The following MICU2 variants were observed in gnomAD, a reference collection of about 807,000 sequenced individuals.
MICU2 encodes mitochondrial calcium uptake 2.
A neutral mutation model predicts 60.4 loss-of-function variants in MICU2; 64 were observed. That is an observed-to-expected ratio of 1.06 (90% CI 0.87 to 1.31). The LOEUF is 1.31. Ranked by LOEUF, MICU2 falls within the 50% of genes most tolerant of loss-of-function variation. The pLI is 0.00. For synonymous variants in MICU2, 201 were observed against 175.0 expected, an observed-to-expected ratio of 1.15 and a Z score of -1.17; for missense variants, 569 against 531.0, an observed-to-expected ratio of 1.07 and a Z score of -0.70.
intron 1 of MICU2, among the ~76,000 whole-genome samples, chr13:21,595,022 C>T (rs548723759): frequency 1.2e-4 from 18 of 151,904 alleles, no homozygotes; most frequent in Middle Eastern, 3.4e-3. Flanking sequence ...TAAAGAAAAA[C>T]CAACTAAAGA....
intron 1 of MICU2, among the ~76,000 whole-genome samples, chr13:21,599,730 A>G (rs768880946): frequency 4.6e-5 from 7 of 152,126 alleles, no homozygotes; most frequent in Non-Finnish European, 8.8e-5. Flanking sequence ...TTTTCAATTC[A>G]CTCCCTTTAC....
chr13:21,537,560 C>T (rs1338598710), intron 4 of MICU2, among the ~76,000 whole-genome samples: 1 of 151,794 alleles, frequency 6.6e-6, no homozygotes, highest in African/African-American at 2.4e-5. Context: ...ACCTCTGCCT[C>T]CCAGGTTCAA....
At chr13:21,580,975 CA>C (rs1369533770) in intron 1 of MICU2, among the ~76,000 whole-genome samples, 1 of 151,954 alleles carries the variant, frequency 6.6e-6, no homozygotes, top group African/African-American at 2.4e-5. Flanking sequence ...AGAGTCAGAA[CA>C]AAAGAGATGA....
intron 2 of MICU2, among the ~76,000 whole-genome samples, chr13:21,544,532 A>AC (rs1555273322): frequency 1.7e-4 from 22 of 132,590 alleles, no homozygotes; most frequent in African/African-American, 5.9e-4. Flanking sequence ...AAAAAAAAAA[A>AC]AACTCAATAC....
rs1174848652 is a variant in MICU2, at chr13:21,496,090, A to G, written c.1004T>C (p.Met335Thr). The G allele has an allele frequency of 6.2e-7, 1 of 1,614,112 alleles. No individual in the cohort carries two copies. Among genetic ancestry groups the G allele is most frequent in the East Asian group, 2.2e-5 (1 of 44,858 alleles). ...ACGATGAGCTAAACTGAACATCTGC[A>G]TGGCAATAGCAAAGTCTTCCAAGTG... ...TTHLEDFAIA[M>T]QMFSLAHRPV... The change falls in exon 10 of 12, where the codon ATG becomes ACG. Residue 335 changes from methionine to threonine, a missense_variant. Physicochemically the swap from Met to Thr is moderately conservative, Grantham distance 81. Transcript: ENST00000382374.
chr13:21,525,413 G>C (rs993275902), intron 4 of MICU2, among the ~76,000 whole-genome samples: 1 of 151,566 alleles, frequency 6.6e-6, no homozygotes, highest in African/African-American at 2.4e-5. Context: ...GGATGATCTC[G>C]ATCTCCTGAC....
At chr13:21,530,773 G>A (rs1420260790) in intron 4 of MICU2, 97 of 631,502 alleles carry the variant, frequency 1.5e-4, no homozygotes, top group Middle Eastern at 7.8e-4. Flanking sequence ...ACCCACCACC[G>A]CCCCAGCAGC....
intron 10 of MICU2, 128 bp downstream of exon 10, chr13:21,495,924 C>T (rs1363662568): frequency 1.9e-5 from 12 of 619,162 alleles, no homozygotes; most frequent in Non-Finnish European, 5.6e-6. Flanking sequence ...AGAATAACCA[C>T]ACTGAATTAA....
chr13:21,538,587 A>G (rs972997226), intron 4 of MICU2, among the ~76,000 whole-genome samples: 9 of 143,764 alleles, frequency 6.3e-5, no homozygotes, highest in Non-Finnish European at 1.2e-4. Flanking sequence ...AAAACCCCAA[A>G]CAACCCACAC....
At position 21,545,278 on chromosome 13, in the gene MICU2, G is replaced by A. The variant is rs116887756; in HGVS notation, c.359-5590C>T. Among the ~76,000 whole-genome samples the A allele has an allele frequency of 2.3e-4, 35 of 152,284 alleles. No individual in the cohort carries two copies. The East Asian group carries it at 6.6e-3, about 29-fold the overall frequency. ...TCAGCCATTAAAAAAATGAAATCCA[G>A]TCATTAACAGCAACATGGATGGAAC... On this transcript the variant is annotated intron_variant, in intron 2 of 11. Coordinates refer to ENST00000382374, the MANE Select transcript of MICU2 (RefSeq NM_152726.3).
At chr13:21,570,064 A>T (rs565752394) in intron 1 of MICU2, among the ~76,000 whole-genome samples, 1 of 152,362 alleles carries the variant, frequency 6.6e-6, no homozygotes, top group South Asian at 2.1e-4. Flanking sequence ...CAGAACTAGA[A>T]TTAGTCATCC....
chr13:21,566,367 C>T (rs554372533), intron 2 of MICU2, among the ~76,000 whole-genome samples: 3 of 152,106 alleles, frequency 2.0e-5, no homozygotes, highest in Non-Finnish European at 2.9e-5. Flanking sequence ...AACAAATGCA[C>T]GTTGGCTGCT....
At chr13:21,588,849 T>C (rs1177816406) in intron 1 of MICU2, among the ~76,000 whole-genome samples, 1 of 152,326 alleles carries the variant, frequency 6.6e-6, no homozygotes, top group African/African-American at 2.4e-5. Context: ...TCGCGGGGAA[T>C]ACCAGATCAA....
At chr13:21,565,297 G>C (rs533038396) in intron 2 of MICU2, among the ~76,000 whole-genome samples, 10 of 152,160 alleles carry the variant, frequency 6.6e-5, no homozygotes, top group Admixed American at 3.3e-4. Context: ...GGAGGCCAAG[G>C]GGGGTGGATT....
chr13:21,602,491 C>T (rs959700701), intron 1 of MICU2, among the ~76,000 whole-genome samples: 1 of 151,864 alleles, frequency 6.6e-6, no homozygotes, highest in African/African-American at 2.4e-5. Context: ...CACTGCAGTC[C>T]GGCCTGGGCG....
chr13:21,525,181 ATTTTTTT>A (rs71093324), intron 4 of MICU2, among the ~76,000 whole-genome samples: 17 of 83,306 alleles, frequency 2.0e-4, no homozygotes, highest in African/African-American at 3.1e-4. Flanking sequence ...GTGTAATTCA[ATTTTTTT>A]TTTTTTTTTT....
intron 2 of MICU2, among the ~76,000 whole-genome samples, chr13:21,557,304 A>C (rs9552450): frequency 0.17 from 25,912 of 152,124 alleles, 3,631 homozygotes; most frequent in East Asian, 0.66. Context: ...AAGAACTATA[A>C]GGCTAAAGAA....
Position 21,539,300 on chromosome 13 carries a change from A to C in MICU2, c.466+2T>G, listed in dbSNP as rs1432545592. 1.2e-6 allele frequency: 2 copies of C among 1,613,034 alleles called. No homozygotes were observed. Among genetic ancestry groups the C allele is most frequent in the Non-Finnish European group, 1.7e-6 (2 of 1,179,568 alleles). Reference sequence around the variant, plus strand: ...AGAAATTTAACAACAAACCAAAATTACCTTTATCGCCAAGGTCTCTGAAAA... The same window carrying C: ...AGAAATTTAACAACAAACCAAAATTCCCTTTATCGCCAAGGTCTCTGAAAA... On this transcript the variant is annotated splice_donor_variant, in intron 4 of 11. Transcript: ENST00000382374. LOFTEE classifies it high-confidence loss of function.
intron 1 of MICU2, among the ~76,000 whole-genome samples, chr13:21,594,978 C>T (rs1263645014): frequency 6.6e-6 from 1 of 152,108 alleles, no homozygotes; most frequent in Non-Finnish European, 1.5e-5. Context: ...GCATGTTCTG[C>T]ACATGTATCC....
Sources: allele counts gnomAD v4.1 joint callset (sites outside exome capture counted in the v4.1 genomes callset), GRCh38; gene constraint gnomAD v4.1.1; transcripts MANE v1.5; gene names NCBI Gene and HGNC (gene_info 2026-07-23, HGNC 2026-07-21).